The following CNTNAP3B variants were observed in gnomAD, a reference collection of about 807,000 sequenced individuals.
The protein encoded by CNTNAP3B is contactin-associated protein-like 3B.
CNTNAP3B carries 25 observed loss-of-function variants against 108.9 expected under a neutral mutation model. The observed-to-expected ratio is 0.23, with a 90% confidence interval of 0.17 to 0.32. The LOEUF (loss-of-function observed/expected upper bound fraction) is 0.32, where lower values mean the gene tolerates loss of function less well. Ranked by LOEUF, CNTNAP3B falls within the 10% of genes least tolerant of loss-of-function variation. The probability of loss-of-function intolerance (pLI) is 1.00; values close to 1 mark genes in which losing one functional copy is unlikely to be tolerated. For missense variants in CNTNAP3B, 252 were observed against 1,210.4 expected (o/e 0.21, Z 11.75); for synonymous variants, 103 against 473.4 (o/e 0.22, Z 10.16).
At chr9:42,043,169 A>T (rs1452995110) in intron 3 of CNTNAP3B, among the ~76,000 whole-genome samples, 14 of 81,264 alleles carry the variant, frequency 1.7e-4, no homozygotes, top group African/African-American at 5.2e-4. Context: ...ATTTTCTTTT[A>T]TTCTTTTTTT....
At chr9:42,044,305 G>T (rs1826823284) in intron 3 of CNTNAP3B, among the ~76,000 whole-genome samples, 1 of 151,352 alleles carries the variant, frequency 6.6e-6, no homozygotes, top group Non-Finnish European at 1.5e-5. Flanking sequence ...TACATATAGG[G>T]TTCAGCACTG....
chr9:41,959,086 G>C (rs1213501065), intron 12 of CNTNAP3B, among the ~76,000 whole-genome samples: 1 of 143,072 alleles, frequency 7.0e-6, no homozygotes, highest in Non-Finnish European at 1.5e-5. Context: ...ATATAAGCCT[G>C]CCTGTCTCTC....
intron 9 of CNTNAP3B, among the ~76,000 whole-genome samples, chr9:41,983,984 G>A (rs1189630072): frequency 1.0e-5 from 1 of 99,062 alleles, no homozygotes; most frequent in Middle Eastern, 5.2e-3. Context: ...TGGCGGTGCA[G>A]AGCTTGCAGT....
chr9:42,054,824 T>C (rs1827030521), intron 3 of CNTNAP3B, among the ~76,000 whole-genome samples: 1 of 150,834 alleles, frequency 6.6e-6, no homozygotes, highest in South Asian at 2.1e-4. Context: ...GTAGCCGCTG[T>C]TGTTGTTTTT....
In CNTNAP3B at chr9:41,990,514, T is replaced by C. The variant is rs1477285987; in HGVS notation, c.1333+1096A>G. On this transcript the variant is annotated intron_variant, in intron 8 of 23. Transcript: ENST00000377561. ...GCCCTCCGAATTTCTTCACGGGTCTTGAAATCGTGCTTTCGTACCACAACA... is the reference window on the plus strand; with the variant it reads ...GCCCTCCGAATTTCTTCACGGGTCTCGAAATCGTGCTTTCGTACCACAACA... Among the ~76,000 whole-genome samples the C allele has an allele frequency of 1.6e-5, 2 of 128,652 alleles. 1 individual carries two copies. The highest frequency in any genetic ancestry group is 3.2e-5 in the Non-Finnish European group (2 of 61,632). The allele number at this position is 128,652 out of a possible 152,430, so 84.4% of individuals were successfully genotyped here. A position where few individuals can be genotyped will look rare whatever the true frequency, so the allele number is the denominator to read the frequency against.
chr9:41,928,001 G>C (rs1446747332), intron 15 of CNTNAP3B, among the ~76,000 whole-genome samples: 1 of 150,024 alleles, frequency 6.7e-6, no homozygotes, highest in East Asian at 1.9e-4. Flanking sequence ...TTTCTTAAAA[G>C]AGAACAGAAT....
intron 12 of CNTNAP3B, among the ~76,000 whole-genome samples, chr9:41,959,779 A>G (rs1334081443): frequency 3.5e-4 from 54 of 152,390 alleles, no homozygotes; most frequent in African/African-American, 1.3e-3. Context: ...TTGTTTCTTT[A>G]TCCTTGATGC....
At chr9:42,110,057 C>T (rs557898468) in intron 1 of CNTNAP3B, among the ~76,000 whole-genome samples, 3 of 137,042 alleles carry the variant, frequency 2.2e-5, no homozygotes, top group South Asian at 2.4e-4. Flanking sequence ...GATACTGATG[C>T]GGAACTTCTG....
At chr9:41,928,316 A>G (rs1379455781) in intron 15 of CNTNAP3B, among the ~76,000 whole-genome samples, 2 of 152,104 alleles carry the variant, frequency 1.3e-5, no homozygotes, top group Non-Finnish European at 2.9e-5. Flanking sequence ...ACAGGGCAAC[A>G]CAATCCATTG....
At chr9:42,063,948 T>C (rs534072569) in intron 3 of CNTNAP3B, among the ~76,000 whole-genome samples, 12 of 148,562 alleles carry the variant, frequency 8.1e-5, no homozygotes, top group Admixed American at 7.4e-4. Flanking sequence ...TCAGTGTCCA[T>C]ACTTTTAAGT....
intron 3 of CNTNAP3B, among the ~76,000 whole-genome samples, chr9:42,049,317 CTCTT>C (rs1339844318): frequency 1.4e-5 from 2 of 139,980 alleles, no homozygotes; most frequent in African/African-American, 2.8e-5. Flanking sequence ...GACATGCTGA[CTCTT>C]TCTGATTTTC....
intron 17 of CNTNAP3B, among the ~76,000 whole-genome samples, chr9:41,922,470 CAAAAAT>C (rs1198640306): frequency 7.1e-6 from 1 of 140,712 alleles, no homozygotes; most frequent in African/African-American, 2.8e-5. Context: ...TGTCTGAAAA[CAAAAAT>C]AAAAACAAAA....
At chr9:42,120,118 C>A (rs1279805062) in intron 1 of CNTNAP3B, among the ~76,000 whole-genome samples, 2 of 150,314 alleles carry the variant, frequency 1.3e-5, no homozygotes, top group Non-Finnish European at 3.0e-5. Context: ...TGAACTCAAA[C>A]AAATTTACAA....
At position 42,047,233 on chromosome 9, in the gene CNTNAP3B, G is replaced by A. The variant is rs996463596; in HGVS notation, c.390+29636C>T. Among the ~76,000 whole-genome samples the A allele has an allele frequency of 5.4e-4, 50 of 91,982 alleles. 4 individuals carry two copies. Among genetic ancestry groups the A allele is most frequent in the African/African-American group, 2.4e-3 (50 of 20,594 alleles). The allele number at this position is 91,982 out of a possible 152,430, so 60.3% of individuals were successfully genotyped here. ...AGGTGAATGTGATTTAACTTAAAAA[G>A]TTTTGCTGTTTTTATAAAGGACAAT... On this transcript the variant is annotated intron_variant, in intron 3 of 23. Coordinates refer to ENST00000377561, the MANE Select transcript of CNTNAP3B (RefSeq NM_001201380.3).
At chr9:41,915,947 G>T (rs1386590960) in intron 18 of CNTNAP3B, among the ~76,000 whole-genome samples, 5 of 151,372 alleles carry the variant, frequency 3.3e-5, no homozygotes, top group African/African-American at 9.7e-5. Context: ...TCTGCTTCAG[G>T]TTTACACTAA....
At chr9:41,918,009 A>G (rs1823565326) in intron 18 of CNTNAP3B, among the ~76,000 whole-genome samples, 1 of 152,310 alleles carries the variant, frequency 6.6e-6, no homozygotes, top group Non-Finnish European at 1.5e-5. Flanking sequence ...GTATTTCCTT[A>G]GGACATTTTC....
At chr9:41,934,000 ATAT>A (rs1824061043) in intron 14 of CNTNAP3B, among the ~76,000 whole-genome samples, 1 of 151,556 alleles carries the variant, frequency 6.6e-6, no homozygotes, top group African/African-American at 2.4e-5. Flanking sequence ...GTTAATTATA[ATAT>A]TAAAATATTC....
intron 3 of CNTNAP3B, among the ~76,000 whole-genome samples, chr9:42,035,968 C>T (rs1361189494): frequency 2.1e-5 from 3 of 142,528 alleles, no homozygotes; most frequent in Non-Finnish European, 4.6e-5. Flanking sequence ...ATTAGCTGGG[C>T]ATGGTGGCGC....
Position 41,947,212 on chromosome 9 carries a change from A to AT in CNTNAP3B, c.2080+5970dup, listed in dbSNP as rs1162118112. Among the ~76,000 whole-genome samples, 559 of 149,892 alleles carry AT rather than the reference A, an allele frequency of 3.7e-3. 1 individual carries two copies. The highest frequency in any genetic ancestry group is 8.5e-3 in the East Asian group (43 of 5,076). ...TCCACTTAAGAATAGCAGAATATACATTTTTTTTTCAAATGCCCATGAAAA... is the reference window on the plus strand; with the variant it reads ...TCCACTTAAGAATAGCAGAATATACATTTTTTTTTTCAAATGCCCATGAAAA... On this transcript the variant is annotated intron_variant, in intron 13 of 23. Transcript: ENST00000377561.
Sources: gnomAD v4.1 joint callset for allele counts (sites outside exome capture counted in the v4.1 genomes callset) on GRCh38, gnomAD v4.1.1 for gene constraint, MANE v1.5 for transcripts, NCBI Gene and HGNC (gene_info 2026-07-23, HGNC 2026-07-21) for gene names.